The following PCDHGB7 variants were observed in gnomAD, a reference collection of about 807,000 sequenced individuals.
PCDHGB7 encodes protocadherin gamma-B7.
Under a neutral mutation model 61.4 loss-of-function variants are expected in PCDHGB7, and 37 were observed. The observed-to-expected ratio is 0.60, with a 90% confidence interval of 0.46 to 0.79. The LOEUF is 0.79. Ranked by LOEUF, PCDHGB7 falls within the 30% of genes least tolerant of loss-of-function variation. PCDHGB7 has a pLI of 0.00. For missense variants in PCDHGB7, 1,166 were observed against 1,202.5 expected, an observed-to-expected ratio of 0.97 and a Z score of 0.45; for synonymous variants, 464 against 503.5, an observed-to-expected ratio of 0.92 and a Z score of 1.05.
chr5:141,499,174 C>T (rs930279867), intron 2 of PCDHGB7, among the ~76,000 whole-genome samples: 20 of 152,198 alleles, frequency 1.3e-4, no homozygotes, highest in Middle Eastern at 3.4e-3. Flanking sequence ...AGCTCTGAGC[C>T]CAGCAAACCA....
At chr5:141,424,901 C>G (rs2096846997) in intron 1 of PCDHGB7, among the ~76,000 whole-genome samples, 1 of 152,134 alleles carries the variant, frequency 6.6e-6, no homozygotes, top group African/African-American at 2.4e-5. Context: ...TTTTTGATCA[C>G]AGGAATCATT....
intron 1 of PCDHGB7, chr5:141,422,992 G>A: frequency 6.2e-7 from 1 of 1,614,238 alleles, no homozygotes; most frequent in Non-Finnish European, 8.5e-7. Flanking sequence ...TGGCTACCTG[G>A]TGACCAAGGT....
In PCDHGB7 at chr5:141,431,777, G is replaced by T. The variant is rs151011884; in HGVS notation, c.2415+11503G>T. 5,401 of 1,614,186 alleles carry T rather than the reference G, an allele frequency of 3.3e-3. 6 individuals are homozygous for T. Among genetic ancestry groups the T allele is most frequent in the Non-Finnish European group, 4.2e-3 (4,899 of 1,180,002 alleles). On this transcript the variant is annotated intron_variant, in intron 1 of 3. Coordinates refer to ENST00000398594, the MANE Select transcript of PCDHGB7 (RefSeq NM_018927.4). The surrounding 1 kb of genome is among the most constrained non-coding windows in gnomAD (Gnocchi z 4.8). ...CAAAGTCCTGATCACTGTTCTGGAC[G>T]TGAACGACAATGCCCCAGAAGTGGT...
At chr5:141,494,268 C>G (rs576129333) in intron 1 of PCDHGB7, among the ~76,000 whole-genome samples, 31 of 152,288 alleles carry the variant, frequency 2.0e-4, no homozygotes, top group African/African-American at 7.2e-4. Flanking sequence ...TTCTTGCAAG[C>G]CAAGGGCCCA....
At chr5:141,452,134 T>C (rs539377216) in intron 1 of PCDHGB7, among the ~76,000 whole-genome samples, 2 of 152,344 alleles carry the variant, frequency 1.3e-5, no homozygotes, top group South Asian at 2.1e-4. Flanking sequence ...ATATGGCTCA[T>C]GTGTTTTTTC....
chr5:141,463,535 G>A (rs1178825067), intron 1 of PCDHGB7, among the ~76,000 whole-genome samples: 4 of 137,928 alleles, frequency 2.9e-5, no homozygotes, highest in East Asian at 2.3e-4. Context: ...TAGAAACTCC[G>A]GCTCCCGGGT....
At chr5:141,464,913 AT>A (rs1366203949) in intron 1 of PCDHGB7, among the ~76,000 whole-genome samples, 1 of 151,428 alleles carries the variant, frequency 6.6e-6, no homozygotes, top group Non-Finnish European at 1.5e-5. Context: ...TAATTTTTTT[AT>A]TTTTTTGTAG....
intron 1 of PCDHGB7, chr5:141,427,988 T>C (rs555561265): frequency 6.3e-7 from 1 of 1,598,504 alleles, no homozygotes; most frequent in South Asian, 1.1e-5. Context: ...TGGGGCCCGA[T>C]GGCTCCGCAC....
In PCDHGB7 at chr5:141,432,278, A is replaced by G. The variant is rs923930127; in HGVS notation, c.2415+12004A>G. On this transcript the variant is annotated intron_variant, in intron 1 of 3. Transcript: ENST00000398594. The surrounding 1 kb of genome is among the most constrained non-coding windows in gnomAD (Gnocchi z 6.0). ...GGCAAGCCTATCGTCCTACGTGTCC[A>G]TCAACTCCGACACTGGGGTACTGTA... 3.7e-5 allele frequency: 59 copies of G among 1,614,078 alleles called. No individual in the cohort carries two copies. Among genetic ancestry groups the G allele is most frequent in the Non-Finnish European group, 4.7e-5 (55 of 1,180,036 alleles).
In PCDHGB7 at chr5:141,490,363, C is replaced by G; in HGVS notation, c.2416-4444C>G. 3 of 1,614,154 alleles carry G rather than the reference C, an allele frequency of 1.9e-6. No homozygotes were observed. Among genetic ancestry groups the G allele is most frequent in the Non-Finnish European group, 2.5e-6 (3 of 1,180,032 alleles). On this transcript the variant is annotated intron_variant, in intron 1 of 3. Transcript: ENST00000398594. This position sits in a 1 kb window ranked among gnomAD's most constrained non-coding sequence, Gnocchi z 5.4. ...CACAGTAGTGGGGTTGTTTAATGTGCGAGACCGGGACTCAGGTAGAAATGG... is the reference window on the plus strand; with the variant it reads ...CACAGTAGTGGGGTTGTTTAATGTGGGAGACCGGGACTCAGGTAGAAATGG...
chr5:141,492,546 G>A (rs2154587552), intron 1 of PCDHGB7, among the ~76,000 whole-genome samples: 1 of 152,336 alleles, frequency 6.6e-6, no homozygotes, highest in East Asian at 1.9e-4. Flanking sequence ...GCTGGGCCGG[G>A]TCGCCTGGGG....
At chr5:141,439,472 A>G (rs1185561573) in intron 1 of PCDHGB7, among the ~76,000 whole-genome samples, 3 of 152,228 alleles carry the variant, frequency 2.0e-5, no homozygotes, top group Non-Finnish European at 4.4e-5. Flanking sequence ...GCTGCCTTTC[A>G]GCTTGCAAAT....
intron 1 of PCDHGB7, chr5:141,422,603 C>G: frequency 6.2e-7 from 1 of 1,614,078 alleles, no homozygotes; most frequent in Non-Finnish European, 8.5e-7. Context: ...TCCTCTTACT[C>G]TGCCTACATT....
At chr5:141,430,786 C>G (rs992448490) in intron 1 of PCDHGB7, 1 of 1,513,352 alleles carries the variant, frequency 6.6e-7, no homozygotes, top group Non-Finnish European at 8.8e-7. Context: ...TGCACCGGGA[C>G]TACAAAGGGC....
intron 2 of PCDHGB7, among the ~76,000 whole-genome samples, chr5:141,503,361 C>T (rs1021880248): frequency 6.6e-6 from 1 of 151,886 alleles, no homozygotes; most frequent in Non-Finnish European, 1.5e-5. Context: ...CTTTGGGAAG[C>T]GGAGGCAGGT....
At chr5:141,423,256 G>A (rs751894091) in intron 1 of PCDHGB7, 3 of 1,613,816 alleles carry the variant, frequency 1.9e-6, no homozygotes, top group South Asian at 2.2e-5. Context: ...GGCGGACCTC[G>A]GCAGCCTCGA....
intron 1 of PCDHGB7, chr5:141,427,278 A>G (rs981860450): frequency 2.2e-6 from 1 of 456,706 alleles, no homozygotes; most frequent in Non-Finnish European, 4.4e-6. Context: ...ATGTAAAATT[A>G]TACTAGAAAT....
intron 1 of PCDHGB7, chr5:141,478,247 G>A (rs1377698933): frequency 1.2e-6 from 2 of 1,614,074 alleles, no homozygotes; most frequent in Admixed American, 3.3e-5. Context: ...CACAGTGTTC[G>A]GAGTAATCAT....
At chr5:141,463,587 T>TA (rs2099064735) in intron 1 of PCDHGB7, among the ~76,000 whole-genome samples, 1 of 152,058 alleles carries the variant, frequency 6.6e-6, no homozygotes, top group East Asian at 1.9e-4. Context: ...TAGCTGGGAC[T>TA]ACAGGTGCCT....
Sources: gnomAD v4.1 joint callset for allele counts (sites outside exome capture counted in the v4.1 genomes callset) on GRCh38, gnomAD v4.1.1 for gene constraint, Gnocchi (gnomAD v3.1) non-coding constraint, MANE v1.5 for transcripts, NCBI Gene and HGNC (gene_info 2026-07-23, HGNC 2026-07-21) for gene names.